STK32B: variants seen among roughly 807,000 people sequenced by gnomAD.
STK32B encodes serine/threonine-protein kinase 32B.
In STK32B, 43 loss-of-function variants were observed where a neutral mutation model predicts 52.6. The observed-to-expected ratio is 0.82, with a 90% CI of 0.64 to 1.05. The LOEUF (loss-of-function observed/expected upper bound fraction) is 1.05. Among genes scored for constraint, STK32B ranks in the 50% least tolerant of loss-of-function variants. The pLI is 0.00. For missense variants in STK32B, 621 were observed against 534.6 expected (o/e 1.16, Z -1.59); for synonymous variants, 238 against 204.3 (o/e 1.17, Z -1.41).
At chr4:5,315,507 ATGTT>A (rs759709538) in intron 3 of STK32B, among the ~76,000 whole-genome samples, 17 of 150,740 alleles carry the variant, frequency 1.1e-4, no homozygotes, top group South Asian at 4.2e-4. Flanking sequence ...AACTGTATGT[ATGTT>A]TATCTGTTTT....
intron 3 of STK32B, among the ~76,000 whole-genome samples, chr4:5,316,202 T>C (rs1730686741): frequency 1.1e-5 from 1 of 93,840 alleles, no homozygotes; most frequent in Non-Finnish European, 1.8e-5. Context: ...TTTAGATATA[T>C]AATATATATT....
rs970284387 is a variant in STK32B at position 5,171,961 on chromosome 4, G to C, written c.260+3511G>C. ...ATGAGCATGGAATGTTCTTCCATTT[G>C]TTTGTATCCTCTTTTATTTCATTGA... On this transcript the variant is annotated intron_variant, in intron 3 of 11. Coordinates refer to ENST00000282908, the MANE Select transcript of STK32B (RefSeq NM_018401.3). Among the ~76,000 whole-genome samples the C allele has an allele frequency of 7.2e-5, 11 of 151,916 alleles. No homozygotes were observed. In the South Asian group the frequency reaches 1.9e-3, roughly 26 times the overall value.
chr4:5,402,393 GA>G (rs1168968785), intron 5 of STK32B, among the ~76,000 whole-genome samples: 1 of 152,264 alleles, frequency 6.6e-6, no homozygotes, highest in Non-Finnish European at 1.5e-5. Flanking sequence ...AGAAGAGTGA[GA>G]GACAGAAGGA....
intron 5 of STK32B, among the ~76,000 whole-genome samples, chr4:5,402,233 G>A (rs1180117909): frequency 6.6e-6 from 1 of 152,226 alleles, no homozygotes; most frequent in Non-Finnish European, 1.5e-5. Context: ...ATCCAGAGAG[G>A]GGTGAACAAT....
intron 3 of STK32B, among the ~76,000 whole-genome samples, chr4:5,206,560 G>A (rs1160649873): frequency 2.6e-5 from 4 of 152,164 alleles, no homozygotes; most frequent in Non-Finnish European, 5.9e-5. Flanking sequence ...TGGCTGGCGA[G>A]AGAGTGCCTG....
Position 5,440,931 on chromosome 4 carries a change from A to G in STK32B, c.563-5742A>G, listed in dbSNP as rs529387220. Among the ~76,000 whole-genome samples the G allele has an allele frequency of 3.4e-4, 51 of 151,108 alleles. No individual in the cohort carries two copies. In the South Asian group the frequency reaches 9.5e-3, roughly 28 times the overall value. ...TTTATTGATTTGTGTATATTGAACCAGCCTTGCATCCCAGGGATGAAGCCC... is the reference window on the plus strand; with the variant it reads ...TTTATTGATTTGTGTATATTGAACCGGCCTTGCATCCCAGGGATGAAGCCC... On this transcript the variant is annotated intron_variant, in intron 6 of 11. Transcript: ENST00000282908.
At chr4:5,415,481 A>G (rs536119973) in intron 5 of STK32B, among the ~76,000 whole-genome samples, 9 of 152,020 alleles carry the variant, frequency 5.9e-5, no homozygotes, top group South Asian at 2.1e-4. Flanking sequence ...ATGGTTGAAT[A>G]GAGACATACT....
chr4:5,396,847 T>C lies in STK32B; in HGVS notation c.435-1360T>C, dbSNP rs781277570. Among the ~76,000 whole-genome samples, 4 of 152,240 alleles carry C rather than the reference T, an allele frequency of 2.6e-5. No homozygotes were observed. Among genetic ancestry groups the C allele is most frequent in the Non-Finnish European group, 5.9e-5 (4 of 68,044 alleles). On this transcript the variant is annotated intron_variant, in intron 4 of 11. Transcript: ENST00000282908. This position sits in a 1 kb window ranked among gnomAD's most constrained non-coding sequence, Gnocchi z 4.7. ...TGCTGACTTCATCCGCACTTGACTC[T>C]AGGTCTTCTGCCTTTTGTTTTAATT... is the stretch of plus-strand genomic sequence containing the variant.
chr4:5,045,511 C>A, the STK32B span, among the ~76,000 whole-genome samples: 1 of 152,106 alleles, frequency 6.6e-6, no homozygotes, highest in African/African-American at 2.4e-5. Flanking sequence ...GGCAGTATGG[C>A]CATTTTTATG....
rs920184217 is a variant in STK32B, at chr4:5,424,040, G to T, written c.562+7106G>T. Among the ~76,000 whole-genome samples the T allele has an allele frequency of 7.2e-5, 11 of 152,126 alleles. No individual in the cohort carries two copies. The South Asian group carries it at 1.9e-3, about 26-fold the overall frequency. On this transcript the variant is annotated intron_variant, in intron 6 of 11. Coordinates refer to ENST00000282908, the MANE Select transcript of STK32B (RefSeq NM_018401.3). ...AGGCTCAGGGGCACCTGTTCCTGCT[G>T]CCTGGACTCGCCCTGCTCCTGGTAC...
chr4:5,074,886 A>G (rs927528269), intron 1 of STK32B, among the ~76,000 whole-genome samples: 1 of 152,148 alleles, frequency 6.6e-6, no homozygotes, highest in East Asian at 1.9e-4. Flanking sequence ...TTTTCATTCT[A>G]GAGTGTATCC....
chr4:5,238,930 A>G (rs575753310), intron 3 of STK32B, among the ~76,000 whole-genome samples: 11 of 152,384 alleles, frequency 7.2e-5, no homozygotes, highest in African/African-American at 2.6e-4. Context: ...AGCAATTAAA[A>G]GAGGTACTAT....
chr4:5,137,501 G>A (rs1716146640), intron 1 of STK32B, among the ~76,000 whole-genome samples: 3 of 147,544 alleles, frequency 2.0e-5, no homozygotes, highest in African/African-American at 4.9e-5. Flanking sequence ...AAGAGGGAGG[G>A]GAATTGCTCC....
At chr4:5,056,140 T>C (rs1741996897) in intron 1 of STK32B, among the ~76,000 whole-genome samples, 2 of 152,154 alleles carry the variant, frequency 1.3e-5, no homozygotes, top group East Asian at 3.9e-4. Context: ...TACTGTGAAC[T>C]GTGCATGTGA....
chr4:5,279,879 A>G (rs764861552), intron 3 of STK32B, among the ~76,000 whole-genome samples: 6 of 152,196 alleles, frequency 3.9e-5, no homozygotes, highest in Non-Finnish European at 8.8e-5. Flanking sequence ...TGGAGTGCCC[A>G]GAATACAGGG....
intron 4 of STK32B, among the ~76,000 whole-genome samples, chr4:5,390,224 G>A (rs958002399): frequency 2.6e-5 from 4 of 152,228 alleles, no homozygotes; most frequent in Non-Finnish European, 4.4e-5. Flanking sequence ...CACATGCCAA[G>A]TGCCTGGAAC....
At chr4:5,173,733 C>G (rs1452495850) in intron 3 of STK32B, among the ~76,000 whole-genome samples, 1 of 152,082 alleles carries the variant, frequency 6.6e-6, no homozygotes, top group Non-Finnish European at 1.5e-5. Context: ...ACTATGTGGT[C>G]AATTTTGGAA....
intron 2 of STK32B, among the ~76,000 whole-genome samples, chr4:5,161,721 G>A (rs1718460470): frequency 6.6e-6 from 1 of 152,148 alleles, no homozygotes; most frequent in South Asian, 2.1e-4. Context: ...TGCATATTGG[G>A]TAGTAAAAAG....
Position 5,462,249 on chromosome 4 carries a change from C to CCTCTGTTTTTGTGTCTGTATGTGT in STK32B, c.909+2022_909+2045dup, listed in dbSNP as rs1560435502. On this transcript the variant is annotated intron_variant, in intron 9 of 11. Coordinates refer to ENST00000282908, the MANE Select transcript of STK32B (RefSeq NM_018401.3). ...GTGCCTGTGTATCTGCGTGTGTGTG[C>CCTCTGTTTTTGTGTCTGTATGTGT]CTCTGTTTTTGTGTCTGTATGTGTG... is the stretch of plus-strand genomic sequence containing the variant. 1.0e-4 allele frequency among the ~76,000 whole-genome samples: 15 copies of CCTCTGTTTTTGTGTCTGTATGTGT among 149,938 alleles called. No homozygotes were observed. The South Asian group carries it at 1.5e-3, about 15-fold the overall frequency.
Sources: gnomAD v4.1 joint callset for allele counts (sites outside exome capture counted in the v4.1 genomes callset) on GRCh38, gnomAD v4.1.1 for gene constraint, Gnocchi (gnomAD v3.1) non-coding constraint, MANE v1.5 for transcripts, NCBI Gene and HGNC (gene_info 2026-07-23, HGNC 2026-07-21) for gene names.